Variants in DLG5 observed in about 807,000 individuals in gnomAD.
DLG5 encodes the protein disks large homolog 5.
In DLG5, 48 loss-of-function variants were observed where a neutral mutation model predicts 189.8. The ratio of observed to expected loss-of-function variants is 0.25; its 90% confidence interval spans 0.20 to 0.32. DLG5 has a LOEUF of 0.32. Among genes scored for constraint, DLG5 ranks in the 10% least tolerant of loss-of-function variants. The probability of loss-of-function intolerance (pLI) is 1.00; values close to 1 mark genes in which losing one functional copy is unlikely to be tolerated. For synonymous variants in DLG5, 1,016 were observed against 1,054.1 expected (o/e 0.96, Z 0.70); for missense variants, 2,160 against 2,544.7 (o/e 0.85, Z 3.25).
intron 12 of DLG5, 104 bp downstream of exon 12, chr10:77,829,251 C>T (rs1842789624): frequency 6.7e-7 from 1 of 1,492,244 alleles, no homozygotes; most frequent in Admixed American, 1.8e-5. Flanking sequence ...GCATTGGCCC[C>T]TCATCCCTGT....
At chr10:77,930,606 C>T (rs1846777834), upstream of DLG5, among the ~76,000 whole-genome samples, 1 of 151,672 alleles carries the variant, frequency 6.6e-6, no homozygotes, top group African/African-American at 2.4e-5. Context: ...GCCTCGGCCT[C>T]CCAAAGTGCT....
chr10:77,923,262 G>A lies in DLG5; in HGVS notation c.304+2955C>T, dbSNP rs146225386. ...AGAGCTGCTGCCCAGAGCACAGAGT[G>A]GAAATCACTCAGGAGTGGAAGGAGG... On this transcript the variant is annotated intron_variant, in intron 1 of 31. Coordinates refer to ENST00000372391, the MANE Select transcript of DLG5 (RefSeq NM_004747.4). Among the ~76,000 whole-genome samples the A allele has an allele frequency of 1.6e-3, 238 of 152,354 alleles. 1 individual carries two copies. Among genetic ancestry groups the A allele is most frequent in the African/African-American group, 5.3e-3 (219 of 41,582 alleles).
intron 1 of DLG5, among the ~76,000 whole-genome samples, chr10:77,914,221 A>C (rs1293890188): frequency 1.3e-5 from 2 of 152,220 alleles, no homozygotes; most frequent in African/African-American, 4.8e-5. Flanking sequence ...CCAGAGAAGC[A>C]TGGGCCTCCT....
rs113268227 is a variant in DLG5 at position 77,821,776 on chromosome 10, C to A, written c.2708G>T (p.Arg903Leu). Residue 903 changes from arginine (R) to leucine (L), a missense_variant, in exon 15 of 32, where the codon CGT (arginine) becomes CTT (leucine). This residue lies in a region of DLG5 where 754 missense variants were observed against 746.5 expected (regional missense o/e 1.01). Coordinates refer to ENST00000372391, the MANE Select transcript of DLG5 (RefSeq NM_004747.4). Reference protein sequence around the residue: ...SSFRSDASGDRGFGLVDVRGR... With the variant: ...SSFRSDASGDLGFGLVDVRGR... ...ACGCACGTCCACCAGCCCAAAGCCA[C>A]GGTCCCCAGAGGCATCTGAGCGGAA... is the stretch of plus-strand genomic sequence containing the variant. 1.2e-6 allele frequency: 2 copies of A among 1,610,088 alleles called. No homozygotes were observed. Among genetic ancestry groups the A allele is most frequent in the Non-Finnish European group, 1.7e-6 (2 of 1,178,460 alleles).
At position 77,821,678 on chromosome 10, in the gene DLG5, C is replaced by T; in HGVS notation, c.2806G>A (p.Ala936Thr). 1 of 1,612,692 alleles carries T rather than the reference C, an allele frequency of 6.2e-7. No homozygotes were observed. Among genetic ancestry groups the T allele is most frequent in the Non-Finnish European group, 8.5e-7 (1 of 1,179,758 alleles). Residue 936 changes from alanine (A) to threonine (T), a missense_variant, in exon 15 of 32, where the codon GCA becomes ACA. Physicochemically the swap from Ala to Thr is moderately conservative, Grantham distance 58. Coordinates refer to ENST00000372391, the MANE Select transcript of DLG5 (RefSeq NM_004747.4). ...CGVGEASLDK[A>T]DSEGSNSGGT... ...CCGCTGTTGGAGCCTTCAGAGTCTG[C>T]CTTGTCCAGGGAGGCCTCCCCAACC...
At chr10:77,934,697 G>A in the DLG5 span, among the ~76,000 whole-genome samples, 78 of 152,282 alleles carry the variant, frequency 5.1e-4, no homozygotes, top group Non-Finnish European at 9.7e-4. Context: ...AATGACCTTG[G>A]AAGTGGATTC....
At position 77,886,646 on chromosome 10, in the gene DLG5, C is replaced by T. The variant is rs764766026; in HGVS notation, c.305-17449G>A. The stretch of plus-strand genomic sequence containing the variant: ...CTGGGATTATAGGCGTGAGCCAACG[C>T]GCCCTGCCAGTAATGCTGCTCTTAT... On this transcript the variant is annotated intron_variant, in intron 1 of 31. Coordinates refer to ENST00000372391, the MANE Select transcript of DLG5 (RefSeq NM_004747.4). Among the ~76,000 whole-genome samples the T allele has an allele frequency of 9.9e-5, 15 of 152,156 alleles. No homozygotes were observed. The East Asian group carries it at 1.2e-3, about 12-fold the overall frequency.
intron 27 of DLG5, among the ~76,000 whole-genome samples, chr10:77,800,766 T>A (rs1841162756): frequency 6.6e-6 from 1 of 152,208 alleles, no homozygotes. Context: ...AAGCTAAGCA[T>A]CTAAGACAGT....
chr10:77,904,588 T>C (rs567834417), intron 1 of DLG5, among the ~76,000 whole-genome samples: 32 of 152,098 alleles, frequency 2.1e-4, no homozygotes, highest in Non-Finnish European at 4.3e-4. Flanking sequence ...TTTCCCATGC[T>C]ATTCTTGTGA....
intron 13 of DLG5, among the ~76,000 whole-genome samples, chr10:77,825,320 T>C (rs137998454): frequency 5.2e-4 from 78 of 151,212 alleles, no homozygotes; most frequent in African/African-American, 1.8e-3. Flanking sequence ...AACAGCTACG[T>C]ATCTTCATTA....
chr10:77,899,984 CAA>C (rs1564584980), intron 1 of DLG5, among the ~76,000 whole-genome samples: 1 of 152,298 alleles, frequency 6.6e-6, no homozygotes, highest in East Asian at 1.9e-4. Flanking sequence ...GGCCTAAAGT[CAA>C]AAAGCCTTAC....
chr10:77,873,183 G>A (rs778326331), intron 1 of DLG5, among the ~76,000 whole-genome samples: 9 of 152,248 alleles, frequency 5.9e-5, no homozygotes, highest in Non-Finnish European at 8.8e-5. Context: ...AAGTTTAGAC[G>A]TGGACATGTG....
intron 1 of DLG5, among the ~76,000 whole-genome samples, chr10:77,872,228 C>T (rs1844929546): frequency 6.6e-6 from 1 of 152,230 alleles, no homozygotes; most frequent in Admixed American, 6.5e-5. Flanking sequence ...CTCTTGGCAT[C>T]AGCAGTGCCC....
At position 77,796,434 on chromosome 10, in the gene DLG5, T is replaced by C. The variant is rs1840926145; in HGVS notation, c.5308+17A>G. ...CAAAGAGCCCAGTAGGCACAGAGGG[T>C]GCCCCGTGCCCCTTACCAAGGGGAC... On this transcript the variant is annotated intron_variant, in intron 28 of 31. Transcript: ENST00000372391. The surrounding 1 kb of genome is among the most constrained non-coding windows in gnomAD (Gnocchi z 5.2). The C allele has an allele frequency of 6.2e-7, 1 of 1,613,860 alleles. No homozygotes were observed. The highest frequency in any genetic ancestry group is 1.1e-5 in the South Asian group (1 of 91,064).
At chr10:77,892,991 G>C (rs1043364865) in intron 1 of DLG5, among the ~76,000 whole-genome samples, 4 of 152,234 alleles carry the variant, frequency 2.6e-5, no homozygotes, top group Admixed American at 2.6e-4. Context: ...AGTATGCTGT[G>C]TGTGCAGGGA....
At chr10:77,879,591 G>T (rs761689522) in intron 1 of DLG5, among the ~76,000 whole-genome samples, 9 of 151,706 alleles carry the variant, frequency 5.9e-5, no homozygotes, top group Admixed American at 1.3e-4. Flanking sequence ...TGACAAGAAT[G>T]GTGTTGGTGA....
chr10:77,868,332 CT>C, intron 2 of DLG5: 8 of 357,324 alleles, frequency 2.2e-5, no homozygotes, highest in South Asian at 1.7e-4. Flanking sequence ...CCACATCTGC[CT>C]AATTCGCCAC....
Position 77,909,275 on chromosome 10 carries a change from A to G in DLG5, c.304+16942T>C, listed in dbSNP as rs150610373. On this transcript the variant is annotated intron_variant, in intron 1 of 31. Transcript: ENST00000372391. Reference sequence around the variant, plus strand: ...GAGGTTACAGAAAACCAAATACTGCATGTTCTCACTCCTAAGTGAGAGTTG... The same window carrying G: ...GAGGTTACAGAAAACCAAATACTGCGTGTTCTCACTCCTAAGTGAGAGTTG... Among the ~76,000 whole-genome samples, 391 of 152,276 alleles carry G rather than the reference A, an allele frequency of 2.6e-3. 10 individuals are homozygous for G. The highest frequency in any genetic ancestry group is 0.023 in the Admixed American group (354 of 15,296).
chr10:77,904,155 G>A (rs1846008234), intron 1 of DLG5, among the ~76,000 whole-genome samples: 1 of 152,206 alleles, frequency 6.6e-6, no homozygotes, highest in Non-Finnish European at 1.5e-5. Flanking sequence ...AATGGCCACT[G>A]CACTTCAGCC....
Sources: allele counts gnomAD v4.1 joint callset (sites outside exome capture counted in the v4.1 genomes callset), GRCh38; gene constraint gnomAD v4.1.1; regional missense constraint gnomAD v4.1.1; non-coding constraint Gnocchi (gnomAD v3.1); transcripts MANE v1.5; gene names NCBI Gene and HGNC (gene_info 2026-07-23, HGNC 2026-07-21).